The following PDE10A variants were observed in gnomAD, a reference collection of about 807,000 sequenced individuals.
The protein encoded by PDE10A is cAMP and cAMP-inhibited cGMP 3',5'-cyclic phosphodiesterase 10A.
PDE10A carries 39 observed loss-of-function variants against 97.7 expected under a neutral mutation model. The ratio of observed to expected loss-of-function variants is 0.40; its 90% CI spans 0.31 to 0.52. The LOEUF (loss-of-function observed/expected upper bound fraction) is 0.52, where lower values mean the gene tolerates loss of function less well. Among genes scored for constraint, PDE10A ranks in the 20% least tolerant of loss-of-function variants. PDE10A has a pLI of 0.56. For synonymous variants in PDE10A, 371 were observed against 376.8 expected, an observed-to-expected ratio of 0.98 and a Z score of 0.18; for missense variants, 731 against 1,047.8, an observed-to-expected ratio of 0.70 and a Z score of 4.17.
At chr6:165,467,103 T>C (rs143750338) in intron 3 of PDE10A, among the ~76,000 whole-genome samples, 268 of 152,244 alleles carry the variant, frequency 1.8e-3, no homozygotes, top group Non-Finnish European at 2.8e-3. Context: ...GAGCCCTAGC[T>C]CCCTTCAATT....
chr6:165,448,039 T>TAGG (rs1428405055), intron 5 of PDE10A, among the ~76,000 whole-genome samples: 1 of 152,246 alleles, frequency 6.6e-6, no homozygotes, highest in Non-Finnish European at 1.5e-5. Flanking sequence ...CTTTTGTCTC[T>TAGG]ATTCCTAGTA....
At chr6:165,530,906 A>G (rs1344092800) in intron 2 of PDE10A, among the ~76,000 whole-genome samples, 3 of 152,206 alleles carry the variant, frequency 2.0e-5, no homozygotes, top group East Asian at 3.9e-4. Context: ...ATATTATCAA[A>G]TCTCCTTCAA....
At chr6:165,787,653 C>G (rs963156792) in intron 1 of PDE10A, among the ~76,000 whole-genome samples, 2 of 152,170 alleles carry the variant, frequency 1.3e-5, no homozygotes, top group Non-Finnish European at 2.9e-5. Context: ...ATCTAACTAC[C>G]TTTAACCATC....
chr6:165,691,878 C>A (rs766617769), intron 1 of PDE10A, among the ~76,000 whole-genome samples: 5 of 152,222 alleles, frequency 3.3e-5, no homozygotes, highest in African/African-American at 4.8e-5. Context: ...TTTCATCTTA[C>A]GCTTTTCACC....
chr6:165,650,869 C>A (rs921290434), intron 1 of PDE10A, among the ~76,000 whole-genome samples: 2 of 152,058 alleles, frequency 1.3e-5, no homozygotes, highest in African/African-American at 2.4e-5. Flanking sequence ...TCCCCAGTAG[C>A]TGGGACTACA....
chr6:165,516,332 C>A (rs1322592187), intron 2 of PDE10A, among the ~76,000 whole-genome samples: 1 of 152,178 alleles, frequency 6.6e-6, no homozygotes, highest in South Asian at 2.1e-4. Context: ...TCCTTCAAAA[C>A]ACATCTTAAA....
chr6:165,514,561 A>G (rs1562537200), intron 2 of PDE10A, among the ~76,000 whole-genome samples: 1 of 152,200 alleles, frequency 6.6e-6, no homozygotes, highest in Non-Finnish European at 1.5e-5. Flanking sequence ...GCACATGTGC[A>G]TATCTTCAGC....
At chr6:165,795,857 T>C (rs1301961158) in intron 1 of PDE10A, among the ~76,000 whole-genome samples, 3 of 152,158 alleles carry the variant, frequency 2.0e-5, no homozygotes, top group African/African-American at 7.2e-5. Flanking sequence ...GACCTTGGTA[T>C]ACAGATGAGG....
intron 1 of PDE10A, among the ~76,000 whole-genome samples, chr6:165,747,652 G>A (rs760520877): frequency 3.9e-5 from 6 of 152,030 alleles, no homozygotes; most frequent in Admixed American, 6.6e-5. Flanking sequence ...GGAGCCATCC[G>A]CACCTGAAGG....
rs183836848 is a variant in PDE10A at position 165,448,351 on chromosome 6, T to G, written c.1194+577A>C. Among the ~76,000 whole-genome samples, 35 of 152,316 alleles carry G rather than the reference T, an allele frequency of 2.3e-4. No homozygotes were observed. In the East Asian group the frequency reaches 6.2e-3, roughly 27 times the overall value. ...TTCTATGTTGCATTTTCCGGCGGGCTGTGCTCCAGGTAAGTTAGACCAGAA... is the reference window on the plus strand; with the variant it reads ...TTCTATGTTGCATTTTCCGGCGGGCGGTGCTCCAGGTAAGTTAGACCAGAA... On this transcript the variant is annotated intron_variant, in intron 5 of 21. Coordinates refer to ENST00000539869, the MANE Select transcript of PDE10A (RefSeq NM_001385079.1).
intron 1 of PDE10A, among the ~76,000 whole-genome samples, chr6:165,683,966 G>A (rs1791047809): frequency 6.6e-6 from 1 of 152,154 alleles, no homozygotes; most frequent in African/African-American, 2.4e-5. Flanking sequence ...TGAGACGGAA[G>A]CCTTGAGGCC....
intron 1 of PDE10A, among the ~76,000 whole-genome samples, chr6:165,568,433 A>G (rs1784899102): frequency 6.6e-6 from 1 of 152,214 alleles, no homozygotes; most frequent in Non-Finnish European, 1.5e-5. Flanking sequence ...TAAACAACTC[A>G]TAATTCTAAA....
rs201690704 is a variant in PDE10A, at chr6:165,530,477, A to G, written c.994+12963T>C. On this transcript the variant is annotated intron_variant, in intron 2 of 21. Transcript: ENST00000539869. Reference sequence around the variant, plus strand: ...ACCACATTAAAAGTGGGCAAATGACATGAACAGAAAAACTACCTATTGAGT... The same window carrying G: ...ACCACATTAAAAGTGGGCAAATGACGTGAACAGAAAAACTACCTATTGAGT... 1.2e-4 allele frequency among the ~76,000 whole-genome samples: 19 copies of G among 152,250 alleles called. No homozygotes were observed. In the East Asian group the frequency reaches 3.1e-3, roughly 25 times the overall value.
At position 165,927,716 on chromosome 6, in the gene PDE10A, C is replaced by T. The variant is rs555387758; in HGVS notation, c.-615+59813G>A. ...TTTGTTTGTTTGTTTGTGTTTGAGA[C>T]AGAGGAGTCTCTCTCTGTTGCCCAG... On this transcript the variant is annotated intron_variant, in intron 1 of 19. Transcript: ENST00000366882. 1.9e-3 allele frequency among the ~76,000 whole-genome samples: 232 copies of T among 124,126 alleles called. 1 individual carries two copies. Among genetic ancestry groups the T allele is most frequent in the African/African-American group, 6.9e-3 (223 of 32,346 alleles). 81.4% of individuals were successfully genotyped at this position (124,126 alleles called of 152,430 possible). A position where few individuals can be genotyped will look rare whatever the true frequency, so the allele number is the denominator to read the frequency against.
chr6:165,462,510 C>A (rs1207303823), intron 3 of PDE10A, among the ~76,000 whole-genome samples: 2 of 152,148 alleles, frequency 1.3e-5, no homozygotes, highest in Admixed American at 6.5e-5. Flanking sequence ...GATTTGGATG[C>A]CATCAAGACA....
intron 1 of PDE10A, among the ~76,000 whole-genome samples, chr6:165,897,781 A>G (rs1252267775): frequency 6.6e-6 from 1 of 151,858 alleles, no homozygotes; most frequent in Admixed American, 6.6e-5. Flanking sequence ...CCCCAATGAG[A>G]TGCAGGATAA....
chr6:165,353,432 T>C (rs1290905674), intron 18 of PDE10A, among the ~76,000 whole-genome samples: 2 of 152,146 alleles, frequency 1.3e-5, no homozygotes, highest in Non-Finnish European at 2.9e-5. Flanking sequence ...AACCTGCACA[T>C]GGATGTATAG....
intron 1 of PDE10A, chr6:165,660,326 TC>T (rs982154882): frequency 6.6e-6 from 1 of 152,280 alleles, no homozygotes; most frequent in African/African-American, 2.4e-5. Context: ...CCACACCCCT[TC>T]CCCACCTAGA....
chr6:165,396,474 C>CAA lies in PDE10A; in HGVS notation c.2077-17_2077-16dup, dbSNP rs556354100. ...CTATGATACATCTAGAAGGCAAATC[C>CAA]AAAAAAAAAACCCCCAAAATTAAAA... On this transcript the variant is annotated splice_polypyrimidine_tract_variant and intron_variant, in intron 13 of 21. Coordinates refer to ENST00000539869, the MANE Select transcript of PDE10A (RefSeq NM_001385079.1). 3.5e-4 allele frequency: 495 copies of CAA among 1,399,566 alleles called. No individual in the cohort carries two copies. Among genetic ancestry groups the CAA allele is most frequent in the Non-Finnish European group, 4.4e-4 (461 of 1,043,750 alleles). The allele number at this position is 1,399,566 out of a possible 1,614,324, so 86.7% of individuals were successfully genotyped here. A position where few individuals can be genotyped will look rare whatever the true frequency, so the allele number is the denominator to read the frequency against.
Sources: allele counts gnomAD v4.1 joint callset (sites outside exome capture counted in the v4.1 genomes callset), GRCh38; gene constraint gnomAD v4.1.1; transcripts MANE v1.5; gene names NCBI Gene and HGNC (gene_info 2026-07-23, HGNC 2026-07-21).